The following THRB variants were observed in gnomAD, a reference collection of about 807,000 sequenced individuals.
The protein encoded by THRB is nuclear receptor subfamily 1 group A member 2.
A neutral mutation model predicts 47.8 loss-of-function variants in THRB; 12 were observed. The ratio of observed to expected loss-of-function variants is 0.25; its 90% CI spans 0.16 to 0.41. The LOEUF (loss-of-function observed/expected upper bound fraction) is 0.41, where lower values mean the gene tolerates loss of function less well. Ranked by LOEUF, THRB falls within the 10% of genes least tolerant of loss-of-function variation. The pLI is 1.00. For missense variants in THRB, 348 were observed against 589.2 expected (o/e 0.59, Z 4.24); for synonymous variants, 218 against 212.2 (o/e 1.03, Z -0.24).
chr3:24,315,842 C>T (rs1473617975), intron 2 of THRB, among the ~76,000 whole-genome samples: 1 of 152,114 alleles, frequency 6.6e-6, no homozygotes, highest in African/African-American at 2.4e-5. Context: ...CAGAGAGCAG[C>T]GATAATTTGG....
At chr3:24,127,409 A>T (rs2033063711) in intron 10 of THRB, 90 bp downstream of exon 10, 1 of 1,387,134 alleles carries the variant, frequency 7.2e-7, no homozygotes, top group Admixed American at 1.7e-5. Flanking sequence ...TTCTGAAGCT[A>T]AAGGGGGACT....
Position 24,143,491 on chromosome 3 carries a change from G to C in THRB, c.738+10C>G. ...TATAAGTGAAACTGATCTGTGCAAG[G>C]AAGCCTTACCAGGAATTTCCGTTTT... On this transcript the variant is annotated intron_variant, in intron 8 of 10. Coordinates refer to ENST00000646209, the MANE Select transcript of THRB (RefSeq NM_001354712.2). 1 of 1,613,950 alleles carries C rather than the reference G, an allele frequency of 6.2e-7. No individual in the cohort carries two copies.
At chr3:24,233,518 G>A (rs534036668) in intron 3 of THRB, among the ~76,000 whole-genome samples, 12 of 117,968 alleles carry the variant, frequency 1.0e-4, no homozygotes, top group African/African-American at 3.8e-4. Flanking sequence ...AAGAAGGAGG[G>A]AAGGAAGGAA....
At chr3:24,330,261 T>C (rs984550215) in intron 2 of THRB, among the ~76,000 whole-genome samples, 1 of 152,058 alleles carries the variant, frequency 6.6e-6, no homozygotes, top group African/African-American at 2.4e-5. Context: ...GAGCCGAGAT[T>C]GCGCCACTGC....
chr3:24,254,121 T>C (rs2050963168), intron 3 of THRB, among the ~76,000 whole-genome samples: 1 of 142,196 alleles, frequency 7.0e-6, no homozygotes, highest in Non-Finnish European at 1.5e-5. Context: ...CCCAGCACTT[T>C]GGGAGGCCGA....
At chr3:24,407,490 G>C (rs2067925731) in intron 1 of THRB, among the ~76,000 whole-genome samples, 1 of 151,802 alleles carries the variant, frequency 6.6e-6, no homozygotes, top group Non-Finnish European at 1.5e-5. Context: ...GTGAGTTAGT[G>C]TGACATTTTT....
chr3:24,439,654 C>T (rs1349473208), intron 1 of THRB, among the ~76,000 whole-genome samples: 3 of 152,160 alleles, frequency 2.0e-5, no homozygotes, highest in Admixed American at 1.3e-4. Context: ...TCAATAACTC[C>T]CAAAGGCAAC....
At chr3:24,416,657 C>T (rs982492110) in intron 1 of THRB, among the ~76,000 whole-genome samples, 1 of 151,814 alleles carries the variant, frequency 6.6e-6, no homozygotes, top group East Asian at 2.0e-4. Flanking sequence ...ACCTATTAAC[C>T]TCGTTCTATC....
intron 1 of THRB, among the ~76,000 whole-genome samples, chr3:24,364,967 T>C (rs1049277266): frequency 6.6e-6 from 1 of 152,206 alleles, no homozygotes; most frequent in African/African-American, 2.4e-5. Context: ...CATATCAGAA[T>C]GCCCATTTTC....
rs1050198097 is a variant in THRB at position 24,176,663 on chromosome 3, A to G, written c.283+13411T>C. 5.3e-5 allele frequency among the ~76,000 whole-genome samples: 8 copies of G among 152,314 alleles called. No homozygotes were observed. The South Asian group carries it at 1.0e-3, about 20-fold the overall frequency. Reference sequence around the variant, plus strand: ...CATGCTACATTGTGGGTGAATCTCAAAAACAGTATACTAAGAGAAAGATGC... The same window carrying G: ...CATGCTACATTGTGGGTGAATCTCAGAAACAGTATACTAAGAGAAAGATGC... On this transcript the variant is annotated intron_variant, in intron 5 of 10. Coordinates refer to ENST00000646209, the MANE Select transcript of THRB (RefSeq NM_001354712.2).
intron 2 of THRB, among the ~76,000 whole-genome samples, chr3:24,306,702 C>T (rs978242207): frequency 6.6e-6 from 1 of 152,128 alleles, no homozygotes; most frequent in African/African-American, 2.4e-5. Context: ...CACCCTCTGC[C>T]TCCAGCCCAT....
chr3:24,391,608 T>A (rs145460088), intron 1 of THRB, among the ~76,000 whole-genome samples: 2,791 of 152,320 alleles, frequency 0.018, 74 homozygotes, highest in African/African-American at 0.061. Context: ...CAGTTTAGAA[T>A]ATACGTATAA....
At chr3:24,302,664 C>T (rs1300839084) in intron 2 of THRB, among the ~76,000 whole-genome samples, 1 of 152,164 alleles carries the variant, frequency 6.6e-6, no homozygotes, top group Non-Finnish European at 1.5e-5. Context: ...AACAACACAC[C>T]ACTGCCTGCC....
At chr3:24,167,645 A>G (rs958209607) in intron 5 of THRB, among the ~76,000 whole-genome samples, 6 of 152,130 alleles carry the variant, frequency 3.9e-5, no homozygotes, top group African/African-American at 1.4e-4. Flanking sequence ...CACATGTTCC[A>G]AAGTCTCTTT....
intron 1 of THRB, among the ~76,000 whole-genome samples, chr3:24,476,559 T>C (rs968895837): frequency 2.0e-5 from 3 of 152,194 alleles, no homozygotes; most frequent in Admixed American, 6.6e-5. Context: ...AAAAAATTAG[T>C]TGCAAGTTTG....
At chr3:24,167,077 C>T (rs140948627) in intron 5 of THRB, among the ~76,000 whole-genome samples, 117 of 152,182 alleles carry the variant, frequency 7.7e-4, no homozygotes, top group African/African-American at 2.7e-3. Context: ...CACCATTGTG[C>T]TGTCTTTAAT....
At chr3:24,357,830 T>C (rs1033141057) in intron 1 of THRB, among the ~76,000 whole-genome samples, 1 of 152,188 alleles carries the variant, frequency 6.6e-6, no homozygotes, top group Non-Finnish European at 1.5e-5. Flanking sequence ...ATTTTAACAA[T>C]GTGCGTCTTT....
chr3:24,396,714 G>A (rs2066993227), intron 1 of THRB, among the ~76,000 whole-genome samples: 2 of 152,012 alleles, frequency 1.3e-5, no homozygotes, highest in East Asian at 1.9e-4. Context: ...GTAAAGCAGT[G>A]TTCAAAAAGG....
At chr3:24,251,689 C>G (rs1306655341) in intron 3 of THRB, among the ~76,000 whole-genome samples, 1 of 152,000 alleles carries the variant, frequency 6.6e-6, no homozygotes, top group African/African-American at 2.4e-5. Context: ...AGGAACCCCC[C>G]TCCTCTCCCT....
Sources: allele counts gnomAD v4.1 joint callset (sites outside exome capture counted in the v4.1 genomes callset), GRCh38; gene constraint gnomAD v4.1.1; transcripts MANE v1.5; gene names NCBI Gene and HGNC (gene_info 2026-07-23, HGNC 2026-07-21).